The following LIMCH1 variants were observed in gnomAD, a reference collection of about 807,000 sequenced individuals.
The protein encoded by LIMCH1 is LIM and calponin homology domains 1.
Under a neutral mutation model 176.5 loss-of-function variants are expected in LIMCH1, and 113 were observed. The ratio of observed to expected loss-of-function variants is 0.64; its 90% confidence interval spans 0.55 to 0.75. The LOEUF (loss-of-function observed/expected upper bound fraction) is 0.75. LIMCH1 is among the 30% of genes least tolerant of loss of function. The pLI is 0.00. For synonymous variants in LIMCH1, 619 were observed against 645.9 expected (o/e 0.96, Z 0.63); for missense variants, 1,674 against 1,814.9 (o/e 0.92, Z 1.41).
Position 41,360,994 on chromosome 4 carries a change from G to C in LIMCH1, c.96+58G>C. The C allele has an allele frequency of 7.6e-7, 1 of 1,310,306 alleles. No homozygotes were observed. Among genetic ancestry groups the C allele is most frequent in the South Asian group, 1.4e-5 (1 of 71,658 alleles). 81.2% of individuals were successfully genotyped at this position (1,310,306 alleles called of 1,614,324 possible). ...CTGGCGCCCTGAGCCACGGACCCGCGCACGCTCCGACCGCAGGTCCAGCCT... is the reference window on the plus strand; with the variant it reads ...CTGGCGCCCTGAGCCACGGACCCGCCCACGCTCCGACCGCAGGTCCAGCCT... On this transcript the variant is annotated intron_variant, in intron 1 of 26. Transcript: ENST00000313860. This position sits in a 1 kb window ranked among gnomAD's most constrained non-coding sequence, Gnocchi z 4.5.
chr4:41,460,105 C>G (rs1415096380), intron 1 of LIMCH1, among the ~76,000 whole-genome samples: 1 of 151,992 alleles, frequency 6.6e-6, no homozygotes, highest in Non-Finnish European at 1.5e-5. Context: ...GGATATGGAT[C>G]TTAGAGTCAA....
intron 18 of LIMCH1, among the ~76,000 whole-genome samples, chr4:41,654,788 G>T (rs1450219559): frequency 6.6e-6 from 1 of 152,040 alleles, no homozygotes; most frequent in Admixed American, 6.6e-5. Context: ...AGGTGATGAG[G>T]GTGCTGTATA....
intron 18 of LIMCH1, among the ~76,000 whole-genome samples, chr4:41,652,235 G>A (rs2094326436): frequency 1.3e-5 from 2 of 152,014 alleles, no homozygotes; most frequent in Non-Finnish European, 2.9e-5. Context: ...TTAGTCTTTT[G>A]AAGACTAAAA....
intron 1 of LIMCH1, among the ~76,000 whole-genome samples, chr4:41,453,236 TAC>T: frequency 6.6e-6 from 1 of 152,266 alleles, no homozygotes; most frequent in East Asian, 1.9e-4. Flanking sequence ...TATATATAGA[TAC>T]ACACACACAT....
chr4:41,373,348 A>G (rs1225920923), intron 1 of LIMCH1, among the ~76,000 whole-genome samples: 1 of 152,224 alleles, frequency 6.6e-6, no homozygotes, highest in Non-Finnish European at 1.5e-5. Flanking sequence ...AGTAGGTATG[A>G]GGGAGGTGCA....
chr4:41,373,699 A>G (rs962724794), intron 1 of LIMCH1, among the ~76,000 whole-genome samples: 4 of 152,214 alleles, frequency 2.6e-5, no homozygotes, highest in African/African-American at 7.2e-5. Context: ...CTGATCTTCA[A>G]ACTCATGCAG....
intron 1 of LIMCH1, among the ~76,000 whole-genome samples, chr4:41,451,877 G>A (rs1284088465): frequency 6.6e-6 from 1 of 152,006 alleles, no homozygotes; most frequent in African/African-American, 2.4e-5. Context: ...GCTCCCACCT[G>A]CCCCATCTTC....
intron 13 of LIMCH1, among the ~76,000 whole-genome samples, chr4:41,634,421 G>T (rs1197719596): frequency 2.6e-5 from 4 of 152,186 alleles, no homozygotes; most frequent in African/African-American, 9.7e-5. Context: ...AGTGAGGAGG[G>T]CTTTGCATAA....
intron 1 of LIMCH1, among the ~76,000 whole-genome samples, chr4:41,400,749 CA>C (rs2058348613): frequency 6.6e-6 from 1 of 152,122 alleles, no homozygotes; most frequent in East Asian, 1.9e-4. Flanking sequence ...TTTAGAATGT[CA>C]ATTCTGGATA....
chr4:41,504,691 T>C (rs1411090491), intron 2 of LIMCH1, among the ~76,000 whole-genome samples: 1 of 152,234 alleles, frequency 6.6e-6, no homozygotes, highest in African/African-American at 2.4e-5. Context: ...TGATTCTTAC[T>C]GATATGCTCT....
At chr4:41,649,012 G>C (rs1375949015) in intron 17 of LIMCH1, among the ~76,000 whole-genome samples, 8 of 152,024 alleles carry the variant, frequency 5.3e-5, no homozygotes, top group African/African-American at 1.9e-4. Context: ...TCTTTTTATG[G>C]GTAACAAATA....
chr4:41,580,116 T>C (rs1187814117), intron 1 of LIMCH1, among the ~76,000 whole-genome samples: 1 of 152,160 alleles, frequency 6.6e-6, no homozygotes, highest in African/African-American at 2.4e-5. Context: ...ATTCCAAATC[T>C]CATGGGTTTT....
intron 1 of LIMCH1, among the ~76,000 whole-genome samples, chr4:41,428,385 G>T (rs1396605693): frequency 6.6e-6 from 1 of 152,186 alleles, no homozygotes; most frequent in Middle Eastern, 3.2e-3. Flanking sequence ...AATAAGTGCT[G>T]TGCAAGTGTT....
chr4:41,535,882 C>A (rs1290384312), upstream of LIMCH1, among the ~76,000 whole-genome samples: 1 of 152,010 alleles, frequency 6.6e-6, no homozygotes, highest in East Asian at 1.9e-4. Context: ...TCCCCAACTT[C>A]ATTTTTTTTT....
intron 1 of LIMCH1, among the ~76,000 whole-genome samples, chr4:41,449,214 A>G (rs2063586243): frequency 6.6e-6 from 1 of 152,078 alleles, no homozygotes; most frequent in South Asian, 2.1e-4. Context: ...GCAGAACTCC[A>G]GGCAGTGCTC....
chr4:41,567,576 A>G (rs896224891), intron 1 of LIMCH1, among the ~76,000 whole-genome samples: 3 of 152,184 alleles, frequency 2.0e-5, no homozygotes, highest in Non-Finnish European at 4.4e-5. Flanking sequence ...TAGGTGCTAT[A>G]CTTGAATTAT....
chr4:41,644,336 C>G (rs1424369056), intron 14 of LIMCH1, among the ~76,000 whole-genome samples, 164 bp from the exon 15 acceptor site: 2 of 152,196 alleles, frequency 1.3e-5, no homozygotes, highest in Non-Finnish European at 2.9e-5. Flanking sequence ...GCCCACCGCC[C>G]GCCCAGGGCC....
At chr4:41,685,640 G>A in intron 27 of LIMCH1, 70 bp from the exon 28 acceptor site, 1 of 1,588,846 alleles carries the variant, frequency 6.3e-7, no homozygotes, top group Non-Finnish European at 8.6e-7. Context: ...GCACTTTAAA[G>A]AAAGGTGACT....
chr4:41,650,714 G>A, intron 18 of LIMCH1, 106 bp downstream of exon 18: 1 of 980,672 alleles, frequency 1.0e-6, no homozygotes, highest in Non-Finnish European at 1.5e-6. Context: ...TTTCTATGTT[G>A]GCGTATTAGT....
Sources: allele counts gnomAD v4.1 joint callset (sites outside exome capture counted in the v4.1 genomes callset), GRCh38; gene constraint gnomAD v4.1.1; non-coding constraint Gnocchi (gnomAD v3.1); transcripts MANE v1.5; gene names NCBI Gene and HGNC (gene_info 2026-07-23, HGNC 2026-07-21).